Variants in SLC25A21 observed in about 807,000 individuals in gnomAD.
SLC25A21 encodes the protein solute carrier family 25 member 21.
In SLC25A21, 47 loss-of-function variants were observed where a neutral mutation model predicts 43.8. The ratio of observed to expected loss-of-function variants is 1.07; its 90% CI spans 0.85 to 1.37. The LOEUF (loss-of-function observed/expected upper bound fraction) is 1.37. Ranked by LOEUF, SLC25A21 falls within the 40% of genes most tolerant of loss-of-function variation. The pLI, the probability that SLC25A21 is intolerant of heterozygous loss-of-function variation, is 0.00. For missense variants in SLC25A21, 352 were observed against 350.2 expected, an observed-to-expected ratio of 1.00 and a Z score of -0.04; for synonymous variants, 131 against 121.3, an observed-to-expected ratio of 1.08 and a Z score of -0.52.
intron 3 of SLC25A21, among the ~76,000 whole-genome samples, chr14:36,789,325 G>C (rs965099211): frequency 1.3e-5 from 2 of 151,880 alleles, no homozygotes; most frequent in African/African-American, 4.8e-5. Context: ...AGATTTTTGG[G>C]GAGGAGAAAA....
chr14:37,082,917 T>C (rs1272170813), intron 1 of SLC25A21, among the ~76,000 whole-genome samples: 3 of 152,210 alleles, frequency 2.0e-5, no homozygotes, highest in African/African-American at 7.2e-5. Flanking sequence ...TAAGTAAACC[T>C]AATTTTTGCA....
chr14:36,927,170 A>T (rs1371429989), intron 1 of SLC25A21, among the ~76,000 whole-genome samples: 1 of 152,242 alleles, frequency 6.6e-6, no homozygotes, highest in Non-Finnish European at 1.5e-5. Context: ...ACTTCGTCTT[A>T]AAACAAAAGA....
intron 3 of SLC25A21, among the ~76,000 whole-genome samples, chr14:36,772,540 A>C (rs1199419864): frequency 6.6e-6 from 1 of 152,154 alleles, no homozygotes; most frequent in Admixed American, 6.5e-5. Flanking sequence ...TCACCCTAAG[A>C]GTTAGTGCTT....
chr14:36,956,957 C>A (rs534189131), intron 1 of SLC25A21, among the ~76,000 whole-genome samples: 5 of 152,116 alleles, frequency 3.3e-5, no homozygotes, highest in Non-Finnish European at 7.4e-5. Flanking sequence ...TATCTATATG[C>A]ACAGAAATGA....
intron 2 of SLC25A21, among the ~76,000 whole-genome samples, chr14:36,822,224 C>CTA (rs1888663190): frequency 6.6e-6 from 1 of 152,256 alleles, no homozygotes; most frequent in African/African-American, 2.4e-5. Flanking sequence ...CATCAATTAA[C>CTA]ACTCCAAAAT....
At chr14:37,083,955 C>T (rs8020153) in intron 1 of SLC25A21, among the ~76,000 whole-genome samples, 114,686 of 152,150 alleles carry the variant, frequency 0.75, 48,307 homozygotes, top group South Asian at 0.94. Context: ...ACTTTTTGGT[C>T]GAATTCTATG....
rs181432336 is a variant in SLC25A21, at chr14:37,076,786, C to T, written c.70+95495G>A. Among the ~76,000 whole-genome samples, 400 of 152,208 alleles carry T rather than the reference C, an allele frequency of 2.6e-3. 6 individuals are homozygous for T. The highest frequency in any genetic ancestry group is 2.0e-3 in the Non-Finnish European group (138 of 68,020). On this transcript the variant is annotated intron_variant, in intron 1 of 9. Transcript: ENST00000331299. ...GGCGTGAGCCACTGCACCTGGCCCC[C>T]GTAAGACTTCTTAATGTTTAATATG...
At chr14:36,888,431 T>C (rs550083044) in intron 1 of SLC25A21, among the ~76,000 whole-genome samples, 3 of 152,274 alleles carry the variant, frequency 2.0e-5, no homozygotes, top group South Asian at 4.1e-4. Flanking sequence ...TTTGCCACTC[T>C]ACTGTGCAGA....
rs372749928 is a variant in SLC25A21, at chr14:36,813,979, T to C, written c.142A>G (p.Thr48Ala). The C allele has an allele frequency of 5.6e-6, 9 of 1,607,330 alleles. No individual in the cohort carries two copies. Among genetic ancestry groups the C allele is most frequent in the Middle Eastern group, 1.7e-4 (1 of 6,050 alleles). Residue 48 changes from threonine (T) to alanine (A), a missense_variant, in exon 3 of 10, where the codon ACC becomes GCC. Physicochemically the swap from Thr to Ala is moderately conservative, Grantham distance 58. Transcript: ENST00000331299. ...AAGCTTTTATAACTGTTTGGATCGG[T>C]TGCACATCTCTGAATCTGAAACCTA... ...KTRFQIQRCATDPNSYKSLVD... is the reference protein window; with the variant it reads ...KTRFQIQRCAADPNSYKSLVD...
chr14:36,993,963 A>C (rs1426403971), intron 1 of SLC25A21, among the ~76,000 whole-genome samples: 2 of 152,198 alleles, frequency 1.3e-5, no homozygotes. Context: ...GAGTTTTTGC[A>C]TTGTGTTGGT....
intron 1 of SLC25A21, among the ~76,000 whole-genome samples, chr14:37,108,738 T>TGTGC (rs1491534704): frequency 3.5e-5 from 5 of 144,688 alleles, no homozygotes; most frequent in African/African-American, 1.3e-4. Context: ...TGTGTGTGTG[T>TGTGC]GCGTGTGTGT....
intron 1 of SLC25A21, among the ~76,000 whole-genome samples, chr14:37,083,081 A>T (rs1374438320): frequency 1.3e-5 from 2 of 152,210 alleles, no homozygotes. Context: ...TAATAAATCA[A>T]ATTGTTCACA....
intron 3 of SLC25A21, among the ~76,000 whole-genome samples, chr14:36,758,309 T>A (rs1886010007): frequency 6.6e-6 from 1 of 152,116 alleles, no homozygotes; most frequent in Admixed American, 6.6e-5. Context: ...AGTGGCTGAT[T>A]ATGGGAGCAG....
At chr14:36,887,554 C>A (rs1452603293) in intron 1 of SLC25A21, among the ~76,000 whole-genome samples, 2 of 116,936 alleles carry the variant, frequency 1.7e-5, no homozygotes, top group Admixed American at 9.7e-5. Context: ...GACAGCAAGA[C>A]TCCATTGCAA....
chr14:36,796,385 CTCTTTCTTTCTCTT>C (rs901001816), intron 3 of SLC25A21, among the ~76,000 whole-genome samples: 4 of 97,298 alleles, frequency 4.1e-5, no homozygotes, highest in East Asian at 5.9e-4. Flanking sequence ...TTCTCTCTTT[CTCTTTCTTTCTCTT>C]TCTTTCTTTC....
chr14:36,881,542 T>C (rs1432562992), intron 1 of SLC25A21, among the ~76,000 whole-genome samples: 17 of 152,206 alleles, frequency 1.1e-4, no homozygotes, highest in Admixed American at 8.5e-4. Context: ...AGATTTAGAA[T>C]GCTTACAACG....
chr14:36,817,796 GC>G (rs1888505307), intron 2 of SLC25A21, among the ~76,000 whole-genome samples: 1 of 152,114 alleles, frequency 6.6e-6, no homozygotes, highest in Non-Finnish European at 1.5e-5. Flanking sequence ...CCTCAGCTTT[GC>G]CTATGATGTC....
intron 1 of SLC25A21, among the ~76,000 whole-genome samples, chr14:36,914,790 C>G (rs1891785855): frequency 6.6e-6 from 1 of 152,094 alleles, no homozygotes; most frequent in South Asian, 2.1e-4. Flanking sequence ...TTAATCATAG[C>G]TAGTGGTTTT....
chr14:36,722,607 G>T (rs1044055844), intron 6 of SLC25A21, among the ~76,000 whole-genome samples: 5 of 151,964 alleles, frequency 3.3e-5, no homozygotes, highest in Non-Finnish European at 7.4e-5. Context: ...AAATAGTCAA[G>T]AAAAATGAAT....
Sources: gnomAD v4.1 joint callset for allele counts (sites outside exome capture counted in the v4.1 genomes callset) on GRCh38, gnomAD v4.1.1 for gene constraint, MANE v1.5 for transcripts, NCBI Gene and HGNC (gene_info 2026-07-23, HGNC 2026-07-21) for gene names.